The following TEC variants were observed in gnomAD, a reference collection of about 807,000 sequenced individuals.
The protein encoded by TEC is tyrosine-protein kinase Tec.
TEC carries 72 observed loss-of-function variants against 93.0 expected under a neutral mutation model. The ratio of observed to expected loss-of-function variants is 0.77; its 90% CI spans 0.64 to 0.94. The LOEUF (loss-of-function observed/expected upper bound fraction) is 0.94. Ranked by LOEUF, TEC falls within the 40% of genes least tolerant of loss-of-function variation. The pLI, the probability that TEC is intolerant of heterozygous loss-of-function variation, is 0.00. For missense variants in TEC, 630 were observed against 757.9 expected, an observed-to-expected ratio of 0.83 and a Z score of 1.98; for synonymous variants, 249 against 247.7, an observed-to-expected ratio of 1.01 and a Z score of -0.05.
At chr4:48,200,508 C>T (rs577188819) in intron 2 of TEC, among the ~76,000 whole-genome samples, 5 of 152,278 alleles carry the variant, frequency 3.3e-5, no homozygotes, top group Admixed American at 1.3e-4. Context: ...GAAAGAGGAG[C>T]CCATTAGGAT....
At chr4:48,212,110 A>AAT (rs1553892127) in intron 2 of TEC, among the ~76,000 whole-genome samples, 49 of 122,258 alleles carry the variant, frequency 4.0e-4, no homozygotes, top group Non-Finnish European at 5.2e-4. Context: ...AAAAAAAAAA[A>AAT]ATATATATAT....
At chr4:48,242,214 C>T (rs750019470) in intron 1 of TEC, among the ~76,000 whole-genome samples, 5 of 152,298 alleles carry the variant, frequency 3.3e-5, no homozygotes, top group South Asian at 4.1e-4. Flanking sequence ...ACATGTTACA[C>T]GTATACATAA....
intron 1 of TEC, 39 bp from the exon 2 acceptor site, chr4:48,228,698 A>C (rs1037355414): frequency 6.7e-6 from 10 of 1,497,706 alleles, no homozygotes; most frequent in African/African-American, 2.8e-5. Flanking sequence ...GTGACAGTTT[A>C]ATTTTCTATG....
chr4:48,256,667 A>G (rs1724355197), intron 1 of TEC, among the ~76,000 whole-genome samples: 1 of 151,484 alleles, frequency 6.6e-6, no homozygotes, highest in African/African-American at 2.4e-5. Flanking sequence ...TAAAAACTTT[A>G]CTTCTATCTT....
chr4:48,190,652 A>G (rs952817532), intron 2 of TEC, among the ~76,000 whole-genome samples: 1 of 152,240 alleles, frequency 6.6e-6, no homozygotes, highest in Admixed American at 6.5e-5. Flanking sequence ...TTATCTGTGG[A>G]TCACAACTGG....
rs77018677 is a variant in TEC, at chr4:48,204,641, C to T, written c.138+23836G>A. ...AATTTTTCCATGGACCTGGGGTGAG[C>T]GGGATCATTTCAGGATGAAACTATT... On this transcript the variant is annotated intron_variant, in intron 2 of 17. Transcript: ENST00000381501. Among the ~76,000 whole-genome samples, 1,033 of 152,244 alleles carry T rather than the reference C, an allele frequency of 6.8e-3. 5 individuals are homozygous for T. The highest frequency in any genetic ancestry group is 0.024 in the African/African-American group (994 of 41,532).
At position 48,206,777 on chromosome 4, in the gene TEC, CAAAAAAAAA is replaced by C. The variant is rs34761710; in HGVS notation, c.138+21691_138+21699del. 1.1e-4 allele frequency among the ~76,000 whole-genome samples: 10 copies of C among 89,218 alleles called. No homozygotes were observed. The South Asian group carries it at 1.1e-3, about 10-fold the overall frequency. 58.5% of individuals were successfully genotyped at this position (89,218 alleles called of 152,430 possible). On this transcript the variant is annotated intron_variant, in intron 2 of 17. Coordinates refer to ENST00000381501, the MANE Select transcript of TEC (RefSeq NM_003215.3). ...GCAATATAAGGAGACCTCGTTGCTA[CAAAAAAAAA>C]AAAAAAAAAAAAAATGAAAACAATT...
chr4:48,160,061 G>GTTAC (rs951801808), intron 8 of TEC, among the ~76,000 whole-genome samples: 18 of 152,146 alleles, frequency 1.2e-4, no homozygotes, highest in African/African-American at 4.1e-4. Context: ...CTCTAAGCAC[G>GTTAC]TTACATTTAT....
chr4:48,225,702 T>C (rs11944638), intron 2 of TEC, among the ~76,000 whole-genome samples: 14,562 of 150,558 alleles, frequency 0.097, 914 homozygotes, highest in East Asian at 0.22. Context: ...CAAAGTTTCT[T>C]TTTTTTTCTT....
At chr4:48,144,692 G>C (rs1013983105) in intron 14 of TEC, among the ~76,000 whole-genome samples, 2 of 152,046 alleles carry the variant, frequency 1.3e-5, no homozygotes, top group African/African-American at 4.8e-5. Flanking sequence ...AAGAACTTGG[G>C]CTCTAGTTAG....
chr4:48,166,136 G>A (rs1305621420), intron 7 of TEC, among the ~76,000 whole-genome samples: 6 of 152,148 alleles, frequency 3.9e-5, no homozygotes, highest in East Asian at 3.8e-4. Context: ...GCCATGATGC[G>A]GGGTAGCTTT....
chr4:48,197,989 A>T (rs761837945), intron 2 of TEC, among the ~76,000 whole-genome samples: 8 of 152,160 alleles, frequency 5.3e-5, no homozygotes, highest in Non-Finnish European at 7.4e-5. Flanking sequence ...GCCAATTCCC[A>T]CATGCATTTT....
intron 3 of TEC, among the ~76,000 whole-genome samples, chr4:48,171,749 G>T (rs553844324): frequency 1.5e-4 from 23 of 152,270 alleles, no homozygotes; most frequent in African/African-American, 4.3e-4. Context: ...CTGTAACAGA[G>T]ATTCAGTATT....
intron 2 of TEC, among the ~76,000 whole-genome samples, chr4:48,187,011 G>A (rs963368966): frequency 2.0e-5 from 3 of 150,296 alleles, no homozygotes; most frequent in Non-Finnish European, 2.9e-5. Flanking sequence ...GTGGGGAAAA[G>A]AAAGAGAGAT....
At chr4:48,248,580 G>A (rs1724121249) in intron 1 of TEC, among the ~76,000 whole-genome samples, 1 of 152,232 alleles carries the variant, frequency 6.6e-6, no homozygotes, top group African/African-American at 2.4e-5. Flanking sequence ...AAACAATCCA[G>A]CCCACAGAAT....
chr4:48,262,012 G>A (rs1275696115), intron 1 of TEC, among the ~76,000 whole-genome samples: 2 of 151,960 alleles, frequency 1.3e-5, no homozygotes, highest in Non-Finnish European at 2.9e-5. Context: ...AATAATGTAT[G>A]TTGTCCTTTC....
intron 8 of TEC, among the ~76,000 whole-genome samples, chr4:48,162,084 C>G (rs1026286430): frequency 2.6e-5 from 4 of 152,168 alleles, no homozygotes; most frequent in Non-Finnish European, 4.4e-5. Flanking sequence ...AGAACCCTGA[C>G]TAATACAATT....
chr4:48,143,862 A>T (rs147154721), intron 14 of TEC, among the ~76,000 whole-genome samples: 17 of 152,346 alleles, frequency 1.1e-4, no homozygotes, highest in Non-Finnish European at 1.5e-4. Context: ...CAGAATTATG[A>T]TTAAACAAGT....
chr4:48,256,275 C>T (rs1300958380), intron 1 of TEC, among the ~76,000 whole-genome samples: 1 of 151,946 alleles, frequency 6.6e-6, no homozygotes, highest in Non-Finnish European at 1.5e-5. Context: ...AATCCACCGC[C>T]CACCCTGCTA....
Sources: allele counts gnomAD v4.1 joint callset (sites outside exome capture counted in the v4.1 genomes callset), GRCh38; gene constraint gnomAD v4.1.1; transcripts MANE v1.5; gene names NCBI Gene and HGNC (gene_info 2026-07-23, HGNC 2026-07-21).